Variants in MAP3K5 observed in about 807,000 individuals in gnomAD.
MAP3K5 encodes the protein ASK-1.
A neutral mutation model predicts 158.7 loss-of-function variants in MAP3K5; 56 were observed. The ratio of observed to expected loss-of-function variants is 0.35; its 90% CI spans 0.28 to 0.44. The LOEUF (loss-of-function observed/expected upper bound fraction) is 0.44. Ranked by LOEUF, MAP3K5 falls within the 20% of genes least tolerant of loss-of-function variation. The pLI, the probability that MAP3K5 is intolerant of heterozygous loss-of-function variation, is 1.00. For synonymous variants in MAP3K5, 579 were observed against 601.7 expected, an observed-to-expected ratio of 0.96 and a Z score of 0.55; for missense variants, 1,294 against 1,674.8, an observed-to-expected ratio of 0.77 and a Z score of 3.97.
intron 23 of MAP3K5, among the ~76,000 whole-genome samples, chr6:136,591,207 C>T (rs1396618116): frequency 6.6e-6 from 1 of 152,220 alleles, no homozygotes; most frequent in African/African-American, 2.4e-5. Flanking sequence ...ATAAATTACC[C>T]AGTCTCAGGT....
rs760527596 is a variant in MAP3K5, at chr6:136,659,396, A to T, written c.1367-18T>A. 5.0e-6 allele frequency: 8 copies of T among 1,612,360 alleles called. No individual in the cohort carries two copies. Among genetic ancestry groups the T allele is most frequent in the South Asian group, 2.2e-5 (2 of 91,048 alleles). On this transcript the variant is annotated intron_variant, in intron 8 of 29. Transcript: ENST00000359015. ...CTTCACCCCTAGAATACAAACAGGA[A>T]GTAGAATGTTACAAATGCACCCCAC...
chr6:136,633,765 T>C (rs1049230740), intron 14 of MAP3K5, among the ~76,000 whole-genome samples: 1 of 152,240 alleles, frequency 6.6e-6, no homozygotes, highest in African/African-American at 2.4e-5. Flanking sequence ...GTTTATAGAA[T>C]CACATTAATA....
At chr6:136,661,367 A>C (rs1014456363) in intron 8 of MAP3K5, among the ~76,000 whole-genome samples, 1 of 152,136 alleles carries the variant, frequency 6.6e-6, no homozygotes, top group Non-Finnish European at 1.5e-5. Context: ...GCATAGGACA[A>C]CATCCACGGT....
chr6:136,654,747 C>T (rs544749444), intron 10 of MAP3K5, among the ~76,000 whole-genome samples: 72 of 152,034 alleles, frequency 4.7e-4, no homozygotes, highest in Non-Finnish European at 9.7e-4. Context: ...TGCCTGGCCT[C>T]TTCTTATTTT....
intron 7 of MAP3K5, among the ~76,000 whole-genome samples, chr6:136,684,926 A>G (rs572681734): frequency 1.3e-5 from 2 of 152,344 alleles, no homozygotes; most frequent in Admixed American, 6.5e-5. Context: ...TGCTTAAATT[A>G]GGATGTATTC....
chr6:136,610,951 C>CA (rs370128683), intron 18 of MAP3K5, among the ~76,000 whole-genome samples: 1 of 150,892 alleles, frequency 6.6e-6, no homozygotes, highest in Non-Finnish European at 1.5e-5. Context: ...ATCAAAAATA[C>CA]AAAAAAATTA....
chr6:136,783,578 TCCA>T (rs962652805), intron 1 of MAP3K5, among the ~76,000 whole-genome samples: 8 of 152,114 alleles, frequency 5.3e-5, no homozygotes, highest in Non-Finnish European at 1.0e-4. Context: ...ACTGCCCACC[TCCA>T]CCACATTTCC....
chr6:136,665,697 G>A (rs1403881103), intron 8 of MAP3K5, among the ~76,000 whole-genome samples: 1 of 152,140 alleles, frequency 6.6e-6, no homozygotes, highest in Non-Finnish European at 1.5e-5. Flanking sequence ...CTCTGAAAGA[G>A]GAAGGAAAAG....
At chr6:136,726,413 T>C (rs908497564) in intron 1 of MAP3K5, among the ~76,000 whole-genome samples, 2 of 152,164 alleles carry the variant, frequency 1.3e-5, no homozygotes, top group African/African-American at 4.8e-5. Context: ...GCCAACATGG[T>C]GAAACCCTGT....
chr6:136,763,172 T>G (rs539991193), intron 1 of MAP3K5, among the ~76,000 whole-genome samples: 9 of 152,274 alleles, frequency 5.9e-5, no homozygotes. Flanking sequence ...TTTTCATTTT[T>G]TTGTAGAGAC....
intron 26 of MAP3K5, among the ~76,000 whole-genome samples, chr6:136,566,440 A>G (rs988664816): frequency 2.6e-4 from 40 of 152,344 alleles, no homozygotes; most frequent in African/African-American, 9.4e-4. Context: ...AGGACTGGGC[A>G]ACAGAGAGTA....
chr6:136,709,540 C>T (rs564148538), intron 2 of MAP3K5, among the ~76,000 whole-genome samples: 24 of 152,032 alleles, frequency 1.6e-4, no homozygotes, highest in Non-Finnish European at 3.2e-4. Flanking sequence ...GCACCAGGCA[C>T]AGAAATGGAA....
intron 18 of MAP3K5, among the ~76,000 whole-genome samples, chr6:136,608,413 T>C (rs1171811165): frequency 4.6e-5 from 7 of 151,526 alleles, no homozygotes; most frequent in Admixed American, 1.3e-4. Flanking sequence ...CCACCGAAAA[T>C]GCAGGTGAGC....
At chr6:136,605,460 G>A in intron 18 of MAP3K5, 94 bp from the exon 19 acceptor site, 1 of 1,029,066 alleles carries the variant, frequency 9.7e-7, no homozygotes, top group Non-Finnish European at 1.4e-6. Flanking sequence ...ACAGAAATGA[G>A]ACAACTGTAA....
At chr6:136,743,631 T>A (rs748898585) in intron 1 of MAP3K5, among the ~76,000 whole-genome samples, 5 of 152,210 alleles carry the variant, frequency 3.3e-5, no homozygotes, top group Admixed American at 6.5e-5. Context: ...TGGTGGTTTA[T>A]GATAAAACTA....
chr6:136,674,827 T>A (rs1241808723), intron 7 of MAP3K5, among the ~76,000 whole-genome samples: 1 of 151,946 alleles, frequency 6.6e-6, no homozygotes, highest in Non-Finnish European at 1.5e-5. Context: ...AAATGCTCAT[T>A]GGAGCATTTC....
intron 1 of MAP3K5, among the ~76,000 whole-genome samples, chr6:136,734,421 GAAAAAAAA>G (rs1016817563): frequency 5.3e-5 from 3 of 56,736 alleles, no homozygotes; most frequent in Non-Finnish European, 6.4e-5. Context: ...CTCTGTCTCG[GAAAAAAAA>G]AAAAAAAAAA....
chr6:136,666,129 T>C (rs2114504923), intron 8 of MAP3K5, among the ~76,000 whole-genome samples: 1 of 152,354 alleles, frequency 6.6e-6, no homozygotes, highest in East Asian at 1.9e-4. Context: ...GATATGGCTC[T>C]GTGTTTTTAA....
chr6:136,684,956 T>C (rs1780085272), intron 7 of MAP3K5, among the ~76,000 whole-genome samples: 1 of 152,214 alleles, frequency 6.6e-6, no homozygotes, highest in African/African-American at 2.4e-5. Context: ...ATTCACTCTC[T>C]GTCTCACATA....
Sources: gnomAD v4.1 joint callset for allele counts (sites outside exome capture counted in the v4.1 genomes callset) on GRCh38, gnomAD v4.1.1 for gene constraint, MANE v1.5 for transcripts, NCBI Gene and HGNC (gene_info 2026-07-23, HGNC 2026-07-21) for gene names.